Variants in RASA1 observed in about 807,000 individuals in gnomAD.
The protein encoded by RASA1 is RAS p21 protein activator 1.
In RASA1, 25 loss-of-function variants were observed where a neutral mutation model predicts 132.2. The ratio of observed to expected loss-of-function variants is 0.19; its 90% CI spans 0.14 to 0.26. RASA1 has a LOEUF of 0.26. Among genes scored for constraint, RASA1 ranks in the 10% least tolerant of loss-of-function variants. RASA1 has a pLI of 1.00. For synonymous variants in RASA1, 477 were observed against 449.9 expected (o/e 1.06, Z -0.76); for missense variants, 964 against 1,299.2 (o/e 0.74, Z 3.97).
chr5:87,307,009 G>A lies in RASA1; in HGVS notation c.540-24339G>A, dbSNP rs540148737. On this transcript the variant is annotated intron_variant, in intron 1 of 24. Transcript: ENST00000274376. ...GAGTAGCTGGGGACTATAGGTGTGC[G>A]CCACTGTGTGCAGCGTATTTGTTTT... Among the ~76,000 whole-genome samples, 8 of 152,094 alleles carry A rather than the reference G, an allele frequency of 5.3e-5. No homozygotes were observed. In the South Asian group the frequency reaches 8.3e-4, roughly 16 times the overall value.
At chr5:87,299,949 T>C (rs1382577110) in intron 1 of RASA1, among the ~76,000 whole-genome samples, 2 of 152,192 alleles carry the variant, frequency 1.3e-5, no homozygotes, top group African/African-American at 2.4e-5. Flanking sequence ...TAACATTATG[T>C]AGAGGCAACA....
At chr5:87,319,726 T>G (rs1419771094) in intron 1 of RASA1, among the ~76,000 whole-genome samples, 1 of 152,210 alleles carries the variant, frequency 6.6e-6, no homozygotes, top group Non-Finnish European at 1.5e-5. Flanking sequence ...ATCTCTGACA[T>G]GCCCTGGGAG....
intron 1 of RASA1, among the ~76,000 whole-genome samples, chr5:87,286,371 C>G (rs1754565937): frequency 6.6e-6 from 1 of 151,778 alleles, no homozygotes; most frequent in Non-Finnish European, 1.5e-5. Flanking sequence ...TTTTACTGAT[C>G]TCTTCCTCAG....
intron 1 of RASA1, among the ~76,000 whole-genome samples, chr5:87,327,314 C>T (rs774661547): frequency 9.9e-5 from 15 of 152,082 alleles, no homozygotes; most frequent in Admixed American, 1.3e-4. Flanking sequence ...GTCTTTTAAC[C>T]GTTCTACTAT....
intron 9 of RASA1, 75 bp downstream of exon 9, chr5:87,353,310 C>T: frequency 8.6e-7 from 1 of 1,167,036 alleles, no homozygotes; most frequent in Non-Finnish European, 1.3e-6. Flanking sequence ...TTTTTGCACA[C>T]ATTTGTACAA....
intron 1 of RASA1, among the ~76,000 whole-genome samples, chr5:87,312,519 A>C (rs1251194485): frequency 6.6e-6 from 1 of 152,242 alleles, no homozygotes; most frequent in East Asian, 1.9e-4. Context: ...TATAACCTAC[A>C]GAAACAGAAG....
In RASA1 at chr5:87,285,123, A is replaced by C. The variant is rs200627845; in HGVS notation, c.539+16133A>C. On this transcript the variant is annotated intron_variant, in intron 1 of 24. Transcript: ENST00000274376. ...TTGTTCTGTCGCCAGGCTGTAGTGC[A>C]GTGGTGTGATCTCGGCTCACTGCAA... Among the ~76,000 whole-genome samples the C allele has an allele frequency of 2.6e-5, 4 of 151,338 alleles. No homozygotes were observed. In the East Asian group the frequency reaches 7.8e-4, roughly 29 times the overall value.
chr5:87,283,777 C>G (rs1399764829), intron 1 of RASA1, among the ~76,000 whole-genome samples: 1 of 152,116 alleles, frequency 6.6e-6, no homozygotes, highest in Non-Finnish European at 1.5e-5. Flanking sequence ...ATTCCCACTT[C>G]TGTTTTTCTT....
chr5:87,333,156 T>A (rs1456164635), intron 3 of RASA1, 111 bp from the exon 4 acceptor site: 1 of 1,461,224 alleles, frequency 6.8e-7, no homozygotes, highest in Non-Finnish European at 9.1e-7. Context: ...ATTTGAATGA[T>A]CCCATGGAGT....
chr5:87,275,443 A>G (rs536355553), intron 1 of RASA1, among the ~76,000 whole-genome samples: 29 of 152,296 alleles, frequency 1.9e-4, no homozygotes, highest in African/African-American at 4.1e-4. Flanking sequence ...TGTTGGCTAT[A>G]ATGTCCACTG....
At chr5:87,276,297 A>T (rs1280130536) in intron 1 of RASA1, among the ~76,000 whole-genome samples, 1 of 152,186 alleles carries the variant, frequency 6.6e-6, no homozygotes, top group Non-Finnish European at 1.5e-5. Context: ...AATACTGAAT[A>T]CGGATGTTGT....
At chr5:87,337,063 GA>G (rs2112383755) in intron 4 of RASA1, among the ~76,000 whole-genome samples, 1 of 152,074 alleles carries the variant, frequency 6.6e-6, no homozygotes, top group South Asian at 2.1e-4. Context: ...TATTAAGATT[GA>G]AAGGAAAATT....
At chr5:87,389,349 A>AG (rs771907409) in intron 23 of RASA1, 44 bp from the exon 24 acceptor site, 2 of 1,611,366 alleles carry the variant, frequency 1.2e-6, no homozygotes, top group South Asian at 1.1e-5. Flanking sequence ...ACAAAAAAAA[A>AG]GAAGATTTGT....
At chr5:87,379,961 A>AAC in intron 19 of RASA1, 111 bp downstream of exon 19, 1 of 1,116,858 alleles carries the variant, frequency 9.0e-7, no homozygotes, top group Non-Finnish European at 1.3e-6. Context: ...TATACTCTGA[A>AAC]AAAGTCATGG....
intron 1 of RASA1, among the ~76,000 whole-genome samples, chr5:87,297,268 A>T (rs1201307371): frequency 1.3e-5 from 2 of 152,206 alleles, no homozygotes; most frequent in African/African-American, 4.8e-5. Context: ...TCTGTTTTTG[A>T]TACTTGCTCT....
intron 1 of RASA1, among the ~76,000 whole-genome samples, chr5:87,321,035 GT>G (rs543153338): frequency 1.3e-5 from 2 of 152,138 alleles, no homozygotes; most frequent in Non-Finnish European, 2.9e-5. Context: ...TAAGCCTGTG[GT>G]TTAGGAAGAA....
intron 14 of RASA1, among the ~76,000 whole-genome samples, chr5:87,374,534 AT>A (rs911136366): frequency 9.9e-5 from 13 of 131,736 alleles, no homozygotes; most frequent in Non-Finnish European, 1.8e-4. Context: ...CCACTTAGTT[AT>A]TAACATGAAT....
intron 24 of RASA1, 49 bp from the exon 25 acceptor site, chr5:87,390,750 AT>A (rs757871624): frequency 4.0e-6 from 6 of 1,499,748 alleles, no homozygotes; most frequent in Non-Finnish European, 5.6e-6. Flanking sequence ...CCATCCTGAA[AT>A]TGCTGACCGA....
chr5:87,360,169 A>T (rs1309869459), intron 9 of RASA1, among the ~76,000 whole-genome samples: 1 of 138,934 alleles, frequency 7.2e-6, no homozygotes, highest in Non-Finnish European at 1.5e-5. Context: ...TTTTTTGCTC[A>T]GGCTTGGAGT....
Sources: allele counts gnomAD v4.1 joint callset (sites outside exome capture counted in the v4.1 genomes callset), GRCh38; gene constraint gnomAD v4.1.1; transcripts MANE v1.5; gene names NCBI Gene and HGNC (gene_info 2026-07-23, HGNC 2026-07-21).